Variants in RGS6 observed in about 807,000 individuals in gnomAD.
RGS6 encodes the protein regulator of G protein signaling 6.
A neutral mutation model predicts 78.5 loss-of-function variants in RGS6; 30 were observed. The ratio of observed to expected loss-of-function variants is 0.38; its 90% CI spans 0.29 to 0.52. RGS6 has a LOEUF of 0.52. RGS6 is among the 20% of genes least tolerant of loss of function. The probability of loss-of-function intolerance (pLI) is 0.85; values close to 1 mark genes in which losing one functional copy is unlikely to be tolerated. For missense variants in RGS6, 495 were observed against 609.7 expected (o/e 0.81, Z 1.98); for synonymous variants, 206 against 206.0 (o/e 1.00, Z 0.00).
At chr14:72,073,112 AGTTAAGTTTT>A (rs1383962490) in intron 2 of RGS6, among the ~76,000 whole-genome samples, 2 of 152,238 alleles carry the variant, frequency 1.3e-5, no homozygotes, top group Admixed American at 1.3e-4. Flanking sequence ...GTGTGGCCTT[AGTTAAGTTTT>A]GTTAACGTTT....
intron 2 of RGS6, among the ~76,000 whole-genome samples, chr14:72,223,188 GA>G (rs2047291337): frequency 6.6e-6 from 1 of 152,266 alleles, no homozygotes; most frequent in African/African-American, 2.4e-5. Context: ...CCTAAAAAAA[GA>G]AAAACTTTAA....
chr14:71,974,420 A>C (rs1012499704), intron 2 of RGS6, among the ~76,000 whole-genome samples: 3 of 152,152 alleles, frequency 2.0e-5, no homozygotes, highest in African/African-American at 4.8e-5. Context: ...ACATACACCC[A>C]CTCCAAAAGA....
chr14:71,878,260 C>T, the RGS6 span, among the ~76,000 whole-genome samples: 1 of 152,216 alleles, frequency 6.6e-6, no homozygotes, highest in Admixed American at 6.5e-5. Flanking sequence ...TTTTATTCAG[C>T]TATGCCCTGC....
chr14:72,612,079 G>A, the RGS6 span, among the ~76,000 whole-genome samples: 1 of 152,160 alleles, frequency 6.6e-6, no homozygotes, highest in Admixed American at 6.5e-5. Context: ...GCCAGTAACA[G>A]CCTGCCCTGC....
intron 14 of RGS6, among the ~76,000 whole-genome samples, chr14:72,515,403 C>T (rs554937414): frequency 3.9e-5 from 6 of 152,352 alleles, no homozygotes; most frequent in East Asian, 1.9e-4. Context: ...CAATGGCTCA[C>T]GCCTGTCATC....
intron 4 of RGS6, among the ~76,000 whole-genome samples, chr14:72,456,145 G>A (rs2095623947): frequency 6.6e-6 from 1 of 152,210 alleles, no homozygotes; most frequent in African/African-American, 2.4e-5. Context: ...TTGGGCTTCT[G>A]AGAAGTGGCT....
chr14:72,170,977 C>T (rs938042925), intron 2 of RGS6, among the ~76,000 whole-genome samples: 1 of 152,178 alleles, frequency 6.6e-6, no homozygotes, highest in Middle Eastern at 3.2e-3. Context: ...TATCTTAAAA[C>T]CTTCACTAGA....
chr14:72,165,187 A>C (rs2096907727), intron 2 of RGS6, among the ~76,000 whole-genome samples: 1 of 152,256 alleles, frequency 6.6e-6, no homozygotes, highest in African/African-American at 2.4e-5. Flanking sequence ...TGAGTCAGGC[A>C]CAGACACAGA....
intron 2 of RGS6, among the ~76,000 whole-genome samples, chr14:72,069,130 C>T (rs2094304916): frequency 6.6e-6 from 1 of 151,976 alleles, no homozygotes; most frequent in Non-Finnish European, 1.5e-5. Flanking sequence ...TGCCACCACG[C>T]CTGGCTAATA....
chr14:71,984,308 A>C (rs1566960518), intron 2 of RGS6, among the ~76,000 whole-genome samples: 1 of 110,044 alleles, frequency 9.1e-6, no homozygotes, highest in East Asian at 3.0e-4. Context: ...TAAAAAAAAA[A>C]AAAAAAAAAA....
chr14:72,416,995 T>C (rs991520884), intron 3 of RGS6, among the ~76,000 whole-genome samples: 1 of 152,200 alleles, frequency 6.6e-6, no homozygotes, highest in African/African-American at 2.4e-5. Flanking sequence ...ATGTTAGCAC[T>C]GCATCACGAC....
At chr14:72,587,017 C>G in the RGS6 span, among the ~76,000 whole-genome samples, 4 of 152,114 alleles carry the variant, frequency 2.6e-5, no homozygotes, top group Admixed American at 1.3e-4. Context: ...AATCATCATA[C>G]CAGGGCAACA....
chr14:72,059,683 G>A (rs1035740939), intron 2 of RGS6, among the ~76,000 whole-genome samples: 3 of 152,108 alleles, frequency 2.0e-5, no homozygotes, highest in African/African-American at 4.8e-5. Context: ...TGGAGATGAG[G>A]CATTTGGGAG....
chr14:72,462,643 G>A (rs988659137), intron 6 of RGS6, among the ~76,000 whole-genome samples: 2 of 152,228 alleles, frequency 1.3e-5, no homozygotes, highest in Non-Finnish European at 2.9e-5. Flanking sequence ...GCCCATAGGA[G>A]ACACTCAGTA....
At position 72,489,689 on chromosome 14, in the gene RGS6, A is replaced by G. The variant is rs764406517; in HGVS notation, c.855-5463A>G. ...CACAAGCCAAGGCATGCCTGGAGCC[A>G]CCAGAAACTGGAAGGAAAAGAAAGG... is the stretch of plus-strand genomic sequence containing the variant. On this transcript the variant is annotated intron_variant, in intron 12 of 17. Coordinates refer to ENST00000553525, the MANE Select transcript of RGS6 (RefSeq NM_001204424.2). Among the ~76,000 whole-genome samples, 3 of 151,644 alleles carry G rather than the reference A, an allele frequency of 2.0e-5. No homozygotes were observed. In the South Asian group the frequency reaches 6.2e-4, roughly 31 times the overall value.
chr14:72,349,382 G>C (rs2078690765), intron 2 of RGS6, among the ~76,000 whole-genome samples: 1 of 152,084 alleles, frequency 6.6e-6, no homozygotes, highest in Non-Finnish European at 1.5e-5. Flanking sequence ...TACATAGCAA[G>C]TCCCTGTTCA....
chr14:72,252,471 T>C (rs889265301), intron 2 of RGS6, among the ~76,000 whole-genome samples: 7 of 152,226 alleles, frequency 4.6e-5, no homozygotes, highest in Non-Finnish European at 1.0e-4. Flanking sequence ...ATCTGCAGTA[T>C]AAATTTAGGT....
At chr14:72,072,279 C>G (rs1314451268) in intron 2 of RGS6, among the ~76,000 whole-genome samples, 1 of 150,348 alleles carries the variant, frequency 6.7e-6, no homozygotes, top group Non-Finnish European at 1.5e-5. Flanking sequence ...GGATGTAGGT[C>G]TAGGAAGCTT....
chr14:72,374,826 T>G (rs769226081), intron 3 of RGS6, among the ~76,000 whole-genome samples: 49 of 152,218 alleles, frequency 3.2e-4, no homozygotes, highest in Non-Finnish European at 4.9e-4. Context: ...CAGTTCCATA[T>G]GCTTAACATA....
Sources: gnomAD v4.1 joint callset for allele counts (sites outside exome capture counted in the v4.1 genomes callset) on GRCh38, gnomAD v4.1.1 for gene constraint, MANE v1.5 for transcripts, NCBI Gene and HGNC (gene_info 2026-07-23, HGNC 2026-07-21) for gene names.